DNAH14: variants seen among roughly 807,000 people sequenced by gnomAD.
DNAH14 encodes the protein dynein axonemal heavy chain 14, also known as axonemal beta dynein heavy chain 14.
In DNAH14, 478 loss-of-function variants were observed where a neutral mutation model predicts 520.9. That is an observed-to-expected ratio of 0.92 (90% CI 0.85 to 0.99). DNAH14 has a LOEUF of 0.99. DNAH14 is among the 50% of genes least tolerant of loss of function. The probability of loss-of-function intolerance (pLI) is 0.00; values close to 1 mark genes in which losing one functional copy is unlikely to be tolerated. For synonymous variants in DNAH14, 1,581 were observed against 1,757.2 expected, an observed-to-expected ratio of 0.90 and a Z score of 2.51; for missense variants, 4,831 against 5,234.5, an observed-to-expected ratio of 0.92 and a Z score of 2.38.
chr1:225,002,686 A>T (rs2063854414), intron 8 of DNAH14, 97 bp from the exon 9 acceptor site: 3 of 1,150,258 alleles, frequency 2.6e-6, no homozygotes, highest in African/African-American at 3.2e-5. Flanking sequence ...AAACATTTCA[A>T]CTATAAGGAT....
rs1386130518 is a variant in DNAH14 at position 225,074,101 on chromosome 1, G to A, written c.2425-5106G>A. On this transcript the variant is annotated intron_variant, in intron 17 of 85. Coordinates refer to ENST00000682510, the MANE Select transcript of DNAH14 (RefSeq NM_001367479.1). ...TGCAAGCTCCGCCTCCCGGGTTCAC[G>A]CCATTCTCCTGCCTCAGCCTCCCAA... Among the ~76,000 whole-genome samples, 103 of 138,554 alleles carry A rather than the reference G, an allele frequency of 7.4e-4. No individual in the cohort carries two copies. In the Admixed American group the frequency reaches 7.4e-3, roughly 10 times the overall value. The allele number at this position is 138,554 out of a possible 152,430, so 90.9% of individuals were successfully genotyped here.
At chr1:225,062,190 A>C (rs1416626145) in intron 17 of DNAH14, among the ~76,000 whole-genome samples, 1 of 152,058 alleles carries the variant, frequency 6.6e-6, no homozygotes, top group African/African-American at 2.4e-5. Flanking sequence ...GGTCCCAGCT[A>C]CTCAGGAGAC....
At chr1:225,314,397 G>A (rs1307399277) in intron 60 of DNAH14, among the ~76,000 whole-genome samples, 2 of 152,186 alleles carry the variant, frequency 1.3e-5, no homozygotes, top group African/African-American at 4.8e-5. Context: ...CAATTTACCA[G>A]TCTGTGTCTT....
chr1:225,036,220 C>T (rs1210077050), intron 11 of DNAH14, among the ~76,000 whole-genome samples: 1 of 152,114 alleles, frequency 6.6e-6, no homozygotes, highest in Non-Finnish European at 1.5e-5. Flanking sequence ...ACTGCAACCT[C>T]CGCCTCCCAG....
At position 225,335,662 on chromosome 1, in the gene DNAH14, CATAT is replaced by C. The variant is rs760322812; in HGVS notation, c.10081-1603_10081-1600del. 3.7e-4 allele frequency among the ~76,000 whole-genome samples: 40 copies of C among 109,520 alleles called. 2 individuals carry two copies. The highest frequency in any genetic ancestry group is 5.6e-4 in the Non-Finnish European group (30 of 53,310). The allele number at this position is 109,520 out of a possible 152,430, so 71.8% of individuals were successfully genotyped here. On this transcript the variant is annotated intron_variant, in intron 66 of 85. Transcript: ENST00000682510. The stretch of plus-strand genomic sequence containing the variant: ...GCATATATGTATATACGCATATATA[CATAT>C]GTGCATATATGTATATACGCATATA...
chr1:225,305,899 T>C (rs1028501334), intron 58 of DNAH14, among the ~76,000 whole-genome samples: 1 of 152,332 alleles, frequency 6.6e-6, no homozygotes, highest in East Asian at 1.9e-4. Flanking sequence ...CCATTTGCCA[T>C]AGGGAACACT....
intron 44 of DNAH14, among the ~76,000 whole-genome samples, chr1:225,257,537 TTTTC>T (rs1356730570): frequency 6.6e-6 from 1 of 151,954 alleles, no homozygotes; most frequent in Non-Finnish European, 1.5e-5. Context: ...CTTTTCTTTT[TTTTC>T]TTTCTTTTTT....
intron 11 of DNAH14, among the ~76,000 whole-genome samples, chr1:225,034,027 T>A (rs1282934343): frequency 6.6e-6 from 1 of 152,202 alleles, no homozygotes; most frequent in African/African-American, 2.4e-5. Flanking sequence ...GTTTGACTTC[T>A]CTCTTCCTAT....
chr1:225,335,073 AC>A, intron 66 of DNAH14, among the ~76,000 whole-genome samples: 1 of 149,338 alleles, frequency 6.7e-6, no homozygotes, highest in South Asian at 2.1e-4. Flanking sequence ...TGTATATATA[AC>A]GTACATATGT....
intron 4 of DNAH14, among the ~76,000 whole-genome samples, chr1:224,960,631 T>G (rs2060786442): frequency 6.6e-6 from 1 of 152,130 alleles, no homozygotes; most frequent in African/African-American, 2.4e-5. Flanking sequence ...TATTTAACAA[T>G]TTTATGCCTT....
In DNAH14 at chr1:225,185,433, T is replaced by G. The variant is rs1323587242; in HGVS notation, c.5670+8T>G. On this transcript the variant is annotated splice_region_variant and intron_variant, in intron 37 of 85. Transcript: ENST00000682510. Reference sequence around the variant, plus strand: ...AGAAAATCTGCTTCAAAGGTAAATGTTCTGTTAAATAAAATGTTTCTCTAT... The same window carrying G: ...AGAAAATCTGCTTCAAAGGTAAATGGTCTGTTAAATAAAATGTTTCTCTAT... The G allele has an allele frequency of 6.6e-7, 1 of 1,520,972 alleles. No homozygotes were observed. Among genetic ancestry groups the G allele is most frequent in the Non-Finnish European group, 8.8e-7 (1 of 1,136,726 alleles). The allele number at this position is 1,520,972 out of a possible 1,614,324, so 94.2% of individuals were successfully genotyped here. A position where few individuals can be genotyped will look rare whatever the true frequency, so the allele number is the denominator to read the frequency against.
chr1:225,397,228 C>T (rs1212822574), intron 84 of DNAH14: 1 of 152,264 alleles, frequency 6.6e-6, no homozygotes, highest in Non-Finnish European at 1.5e-5. Flanking sequence ...CCGCCCGCCT[C>T]AGCCTCCCAA....
intron 8 of DNAH14, among the ~76,000 whole-genome samples, chr1:224,999,763 G>A (rs374024258): frequency 4.6e-5 from 7 of 151,864 alleles, no homozygotes; most frequent in East Asian, 1.9e-4. Flanking sequence ...TATAGTATAA[G>A]ATTATATATA....
At chr1:225,169,883 C>G (rs1207793432) in intron 36 of DNAH14, among the ~76,000 whole-genome samples, 1 of 152,140 alleles carries the variant, frequency 6.6e-6, no homozygotes, top group Admixed American at 6.5e-5. Context: ...GGTCGGGTTA[C>G]CCACAAAGGG....
chr1:225,398,960 T>C, intron 85 of DNAH14, 94 bp from the exon 86 acceptor site: 1 of 993,372 alleles, frequency 1.0e-6, no homozygotes, highest in South Asian at 1.6e-5. Context: ...ATCTAATTCA[T>C]AACAAATCCC....
chr1:225,334,835 C>G (rs1277201386), intron 66 of DNAH14, among the ~76,000 whole-genome samples: 2 of 151,654 alleles, frequency 1.3e-5, no homozygotes, highest in Non-Finnish European at 2.9e-5. Context: ...TGCCATTGCA[C>G]TCCAGCATGG....
chr1:225,107,758 AACAGTGT>A (rs1202235683), intron 23 of DNAH14, among the ~76,000 whole-genome samples: 1 of 152,198 alleles, frequency 6.6e-6, no homozygotes, highest in Non-Finnish European at 1.5e-5. Context: ...CATTCCCACA[AACAGTGT>A]ACAAGGGTTC....
chr1:225,015,324 C>T (rs1309918190), intron 10 of DNAH14, among the ~76,000 whole-genome samples: 1 of 152,138 alleles, frequency 6.6e-6, no homozygotes, highest in Non-Finnish European at 1.5e-5. Context: ...GGACTTACTC[C>T]TGTAATTTTA....
rs971025090 is a variant in DNAH14, at chr1:225,380,384, T to G, written c.12880+62T>G. On this transcript the variant is annotated intron_variant, in intron 80 of 85. Transcript: ENST00000682510. Reference sequence around the variant, plus strand: ...CTCTCCTCAAGAAAGGACTCTGGTGTCAGGAGTAAGGTAAAGATAAGACAA... The same window carrying G: ...CTCTCCTCAAGAAAGGACTCTGGTGGCAGGAGTAAGGTAAAGATAAGACAA... 59 of 1,476,288 alleles carry G rather than the reference T, an allele frequency of 4.0e-5. No individual in the cohort carries two copies. In the African/African-American group the frequency reaches 6.7e-4, roughly 17 times the overall value. The allele number at this position is 1,476,288 out of a possible 1,614,324, so 91.4% of individuals were successfully genotyped here.
Sources: allele counts gnomAD v4.1 joint callset (sites outside exome capture counted in the v4.1 genomes callset), GRCh38; gene constraint gnomAD v4.1.1; transcripts MANE v1.5; gene names NCBI Gene and HGNC (gene_info 2026-07-23, HGNC 2026-07-21).